SASH1: variants seen among roughly 807,000 people sequenced by gnomAD.
The protein encoded by SASH1 is SAM and SH3 domain containing 1.
A neutral mutation model predicts 125.2 loss-of-function variants in SASH1; 44 were observed. The ratio of observed to expected loss-of-function variants is 0.35; its 90% CI spans 0.28 to 0.45. The LOEUF is 0.45. SASH1 is among the 20% of genes least tolerant of loss of function. SASH1 has a pLI of 1.00. For missense variants in SASH1, 1,426 were observed against 1,614.5 expected (o/e 0.88, Z 2.00); for synonymous variants, 639 against 649.1 (o/e 0.98, Z 0.24).
chr6:148,392,390 AAAT>A (rs1305132755), intron 2 of SASH1, among the ~76,000 whole-genome samples: 1 of 152,186 alleles, frequency 6.6e-6, no homozygotes, highest in Non-Finnish European at 1.5e-5. Context: ...ACACACACAA[AAAT>A]AATAATTAAG....
chr6:148,345,350 T>C (rs1781488234), intron 1 of SASH1, among the ~76,000 whole-genome samples: 1 of 152,152 alleles, frequency 6.6e-6, no homozygotes, highest in African/African-American at 2.4e-5. Context: ...GGGTGGGGCT[T>C]CAGAAGCTCA....
At chr6:148,318,978 A>G (rs1316969377) in intron 1 of SASH1, among the ~76,000 whole-genome samples, 1 of 146,358 alleles carries the variant, frequency 6.8e-6, no homozygotes, top group Non-Finnish European at 1.5e-5. Flanking sequence ...CATTTATTTG[A>G]CCATTCTCCT....
intron 2 of SASH1, among the ~76,000 whole-genome samples, chr6:148,390,630 G>GA (rs1168617793): frequency 6.6e-6 from 1 of 151,584 alleles, no homozygotes; most frequent in African/African-American, 2.4e-5. Context: ...ACTAAAAATA[G>GA]AAAAAAAATT....
upstream of SASH1, among the ~76,000 whole-genome samples, chr6:148,341,091 C>A (rs1277472917): frequency 6.6e-6 from 1 of 152,162 alleles, no homozygotes; most frequent in Non-Finnish European, 1.5e-5. Flanking sequence ...GCTACGATTG[C>A]AGCACTGCAC....
chr6:148,385,526 A>G (rs985835105), intron 1 of SASH1, among the ~76,000 whole-genome samples: 8 of 152,048 alleles, frequency 5.3e-5, no homozygotes, highest in African/African-American at 1.9e-4. Context: ...ATGGCTGGCC[A>G]CTCTAGGTAG....
chr6:148,261,759 T>G, the SASH1 span, among the ~76,000 whole-genome samples: 70 of 152,172 alleles, frequency 4.6e-4, no homozygotes, highest in African/African-American at 1.7e-3. Context: ...ACGGGGTTAG[T>G]GCCATCAGCC....
chr6:148,262,945 G>C, the SASH1 span, among the ~76,000 whole-genome samples: 330 of 152,288 alleles, frequency 2.2e-3, 2 homozygotes, highest in African/African-American at 7.6e-3. Flanking sequence ...GGAGCTGCTG[G>C]GGTTGTAAAT....
intron 8 of SASH1, chr6:148,509,170 G>A: frequency 3.0e-6 from 1 of 338,716 alleles, no homozygotes; most frequent in Non-Finnish European, 5.8e-6. Flanking sequence ...TTCCTGGGGA[G>A]GACTTGAATT....
chr6:148,459,466 A>G (rs1777516164), intron 4 of SASH1, among the ~76,000 whole-genome samples: 1 of 152,206 alleles, frequency 6.6e-6, no homozygotes, highest in Non-Finnish European at 1.5e-5. Context: ...CCAGTGACCC[A>G]CATCATTAAC....
chr6:148,507,157 A>G (rs1016601288), intron 8 of SASH1, among the ~76,000 whole-genome samples: 3 of 152,090 alleles, frequency 2.0e-5, no homozygotes, highest in Non-Finnish European at 4.4e-5. Flanking sequence ...TTGGGAGGAG[A>G]TACTTCTGAG....
At chr6:148,470,016 A>T (rs1436298587) in intron 5 of SASH1, among the ~76,000 whole-genome samples, 1 of 146,996 alleles carries the variant, frequency 6.8e-6, no homozygotes, top group Non-Finnish European at 1.5e-5. Flanking sequence ...ACAGAGCAAG[A>T]CTCTGTCTCA....
the SASH1 span, among the ~76,000 whole-genome samples, chr6:148,252,567 C>T: frequency 3.9e-5 from 6 of 152,002 alleles, no homozygotes; most frequent in African/African-American, 1.4e-4. Context: ...CAACCACCAC[C>T]TTCCAGGTTC....
intron 1 of SASH1, among the ~76,000 whole-genome samples, chr6:148,306,344 A>G (rs1162068873): frequency 1.3e-5 from 2 of 152,210 alleles, no homozygotes; most frequent in African/African-American, 4.8e-5. Context: ...TCTGAGGGGA[A>G]GATGGAAATT....
the SASH1 span, among the ~76,000 whole-genome samples, chr6:148,212,518 C>T: frequency 1.3e-5 from 2 of 152,306 alleles, no homozygotes; most frequent in East Asian, 1.9e-4. Context: ...CCTGAATTGA[C>T]GTAAGGCTGT....
chr6:148,403,840 G>A (rs2114878856), intron 2 of SASH1, among the ~76,000 whole-genome samples: 1 of 152,280 alleles, frequency 6.6e-6, no homozygotes, highest in Non-Finnish European at 1.5e-5. Flanking sequence ...CCTTCCCATA[G>A]TGTTTTTTAA....
At chr6:148,202,057 C>A in the SASH1 span, among the ~76,000 whole-genome samples, 4 of 151,962 alleles carry the variant, frequency 2.6e-5, no homozygotes, top group Non-Finnish European at 5.9e-5. Context: ...TCAGCCTGAC[C>A]ACATGTGGTC....
chr6:148,533,966 C>T lies in SASH1; in HGVS notation c.1930C>T (p.Arg644Trp). 1.9e-6 allele frequency: 3 copies of T among 1,613,838 alleles called. No individual in the cohort carries two copies. The highest frequency in any genetic ancestry group is 2.5e-6 in the Non-Finnish European group (3 of 1,179,830). The change falls in exon 15 of 20, where the codon CGG becomes TGG. Residue 644 changes from arginine (R) to tryptophan (W), a missense_variant. Arg to Trp is a moderately radical substitution (Grantham distance 101, BLOSUM62 -3). This residue lies in a region of SASH1 where 225 missense variants were observed against 344.5 expected (regional missense o/e 0.65). Transcript: ENST00000367467. The surrounding 1 kb of genome is among the most constrained non-coding windows in gnomAD (Gnocchi z 6.2). ...QPKSVEDLLD[R>W]INLKEHMPTF... is the part of the protein sequence containing the mutation. ...CAAGTCTGTGGAGGATCTCCTGGAT[C>T]GGATTAACCTAAAAGTCAGTCGCTT...
At chr6:148,219,451 C>T in the SASH1 span, among the ~76,000 whole-genome samples, 2 of 152,170 alleles carry the variant, frequency 1.3e-5, no homozygotes, top group African/African-American at 2.4e-5. Context: ...ATTCTTCTGA[C>T]GCTATGATGA....
chr6:148,265,741 C>A, the SASH1 span, among the ~76,000 whole-genome samples: 1 of 152,152 alleles, frequency 6.6e-6, no homozygotes, highest in Non-Finnish European at 1.5e-5. Flanking sequence ...TGTGCCCAAG[C>A]CTTCTGATGC....
Sources: allele counts gnomAD v4.1 joint callset (sites outside exome capture counted in the v4.1 genomes callset), GRCh38; gene constraint gnomAD v4.1.1; regional missense constraint gnomAD v4.1.1; non-coding constraint Gnocchi (gnomAD v3.1); transcripts MANE v1.5; gene names NCBI Gene and HGNC (gene_info 2026-07-23, HGNC 2026-07-21).